LRRC4C: variants seen among roughly 807,000 people sequenced by gnomAD.
LRRC4C encodes leucine rich repeat containing 4C, also known as leucine-rich repeat-containing protein 4C.
Under a neutral mutation model 33.6 loss-of-function variants are expected in LRRC4C, and 5 were observed. The observed-to-expected ratio is 0.15, with a 90% confidence interval of 0.08 to 0.31. The LOEUF (loss-of-function observed/expected upper bound fraction) is 0.31. LRRC4C is among the 10% of genes least tolerant of loss of function. The pLI is 1.00. For synonymous variants in LRRC4C, 329 were observed against 302.0 expected (o/e 1.09, Z -0.93); for missense variants, 560 against 796.7 (o/e 0.70, Z 3.58).
chr11:40,586,127 C>T (rs1424534694), intron 3 of LRRC4C, among the ~76,000 whole-genome samples: 4 of 150,368 alleles, frequency 2.7e-5, no homozygotes, highest in African/African-American at 7.4e-5. Flanking sequence ...ACATCCTCTC[C>T]AGCACCTGTT....
chr11:40,379,308 C>T (rs1190475501), intron 3 of LRRC4C, among the ~76,000 whole-genome samples: 1 of 151,836 alleles, frequency 6.6e-6, no homozygotes, highest in Non-Finnish European at 1.5e-5. Flanking sequence ...TTTTGAAGAA[C>T]ATAGATTAAT....
intron 3 of LRRC4C, among the ~76,000 whole-genome samples, chr11:40,574,643 T>C (rs1314646647): frequency 6.6e-6 from 1 of 152,130 alleles, no homozygotes; most frequent in Admixed American, 6.6e-5. Context: ...TTTATATAAG[T>C]CTCTAGAAGG....
At chr11:41,303,246 C>T (rs1192760052) in intron 1 of LRRC4C, among the ~76,000 whole-genome samples, 3 of 147,808 alleles carry the variant, frequency 2.0e-5, no homozygotes, top group African/African-American at 2.5e-5. Context: ...TGCAGGCACG[C>T]GCCGCCACGC....
At chr11:40,448,450 T>C (rs1951738285) in intron 3 of LRRC4C, among the ~76,000 whole-genome samples, 1 of 151,978 alleles carries the variant, frequency 6.6e-6, no homozygotes, top group African/African-American at 2.4e-5. Flanking sequence ...CCTCCCTGTG[T>C]CCATGTGTTC....
chr11:41,442,649 T>G (rs1001452404), intron 1 of LRRC4C, among the ~76,000 whole-genome samples: 2 of 151,826 alleles, frequency 1.3e-5, no homozygotes, highest in Admixed American at 6.6e-5. Context: ...TTTTGTATTT[T>G]TAGTAGAGAC....
At chr11:40,207,904 G>C (rs1332661911) in intron 5 of LRRC4C, among the ~76,000 whole-genome samples, 2 of 152,118 alleles carry the variant, frequency 1.3e-5, no homozygotes, top group East Asian at 3.9e-4. Flanking sequence ...GGCAGTCAGA[G>C]GTACAGAGCC....
chr11:40,535,842 G>T (rs919293444), intron 3 of LRRC4C, among the ~76,000 whole-genome samples: 4 of 152,150 alleles, frequency 2.6e-5, no homozygotes, highest in Non-Finnish European at 5.9e-5. Context: ...ACATTTTGAA[G>T]CAGTATCACA....
At chr11:40,578,473 T>G (rs2135620506) in intron 3 of LRRC4C, among the ~76,000 whole-genome samples, 1 of 152,264 alleles carries the variant, frequency 6.6e-6, no homozygotes, top group Non-Finnish European at 1.5e-5. Flanking sequence ...CTACTGATAA[T>G]AATTTTTAGG....
intron 6 of LRRC4C, among the ~76,000 whole-genome samples, chr11:40,136,181 G>C (rs1856957580): frequency 1.3e-5 from 2 of 151,636 alleles, no homozygotes; most frequent in African/African-American, 4.9e-5. Context: ...GTGATAAACT[G>C]TATGGCTTGC....
At chr11:40,873,424 T>C (rs1357239328) in intron 2 of LRRC4C, among the ~76,000 whole-genome samples, 1 of 152,106 alleles carries the variant, frequency 6.6e-6, no homozygotes, top group African/African-American at 2.4e-5. Context: ...AATGTAAAGA[T>C]GATTTTGTGT....
chr11:40,227,197 G>C (rs928783167), intron 5 of LRRC4C, among the ~76,000 whole-genome samples: 18 of 152,146 alleles, frequency 1.2e-4, no homozygotes, highest in Admixed American at 2.0e-4. Flanking sequence ...TGTTATGATG[G>C]GAGTCTTTGT....
chr11:40,984,859 T>C (rs935484906), intron 1 of LRRC4C, among the ~76,000 whole-genome samples: 5 of 141,056 alleles, frequency 3.5e-5, no homozygotes, highest in Non-Finnish European at 1.5e-5. Context: ...AAAGACCACA[T>C]CACATTATCA....
In LRRC4C at chr11:41,095,911, A is replaced by G. The variant is rs148648923; in HGVS notation, c.-495-162188T>C. Among the ~76,000 whole-genome samples, 42 of 152,298 alleles carry G rather than the reference A, an allele frequency of 2.8e-4. No individual in the cohort carries two copies. In the East Asian group the frequency reaches 7.9e-3, roughly 29 times the overall value. The stretch of plus-strand genomic sequence containing the variant: ...AATTAATTTTTGCGCCTAAAACCCA[A>G]ACACACATATGTTAACTCCCGCTGT... On this transcript the variant is annotated intron_variant, in intron 1 of 6. Coordinates refer to ENST00000528697, the MANE Select transcript of LRRC4C (RefSeq NM_001258419.2).
intron 1 of LRRC4C, among the ~76,000 whole-genome samples, chr11:41,139,704 T>C (rs1022055469): frequency 5.0e-4 from 4 of 8,010 alleles, no homozygotes; most frequent in Non-Finnish European, 0.014. Context: ...GTTAATACTT[T>C]TCAATTTTTT....
At chr11:40,656,843 G>A (rs1178946121) in intron 2 of LRRC4C, among the ~76,000 whole-genome samples, 2 of 152,164 alleles carry the variant, frequency 1.3e-5, no homozygotes, top group Non-Finnish European at 2.9e-5. Flanking sequence ...ACTTCTTCCA[G>A]TTAAACAGAA....
At chr11:40,970,958 A>G (rs144145072) in intron 1 of LRRC4C, among the ~76,000 whole-genome samples, 131 of 152,308 alleles carry the variant, frequency 8.6e-4, no homozygotes, top group African/African-American at 2.8e-3. Flanking sequence ...TTAAGAATTG[A>G]CCTGGCTGCT....
intron 1 of LRRC4C, among the ~76,000 whole-genome samples, chr11:41,155,655 C>T (rs535190758): frequency 1.3e-5 from 2 of 152,180 alleles, no homozygotes; most frequent in East Asian, 3.9e-4. Context: ...CTGCTCTCTC[C>T]CCTTTCCCTA....
chr11:41,228,380 A>C (rs1285191526), intron 1 of LRRC4C, among the ~76,000 whole-genome samples: 1 of 152,036 alleles, frequency 6.6e-6, no homozygotes, highest in African/African-American at 2.4e-5. Flanking sequence ...AGTTTAGCTA[A>C]ATGTAGAATT....
At chr11:40,153,444 CT>C (rs1411994389) in intron 5 of LRRC4C, among the ~76,000 whole-genome samples, 1 of 152,062 alleles carries the variant, frequency 6.6e-6, no homozygotes, top group East Asian at 1.9e-4. Flanking sequence ...GTAAAAATCC[CT>C]GATTTACCTG....
Sources: allele counts gnomAD v4.1 joint callset (sites outside exome capture counted in the v4.1 genomes callset), GRCh38; gene constraint gnomAD v4.1.1; transcripts MANE v1.5; gene names NCBI Gene and HGNC (gene_info 2026-07-23, HGNC 2026-07-21).